Variants in PKNOX2 observed in about 807,000 individuals in gnomAD.
PKNOX2 encodes homeobox protein PKNOX2.
In PKNOX2, 14 loss-of-function variants were observed where a neutral mutation model predicts 53.1. The ratio of observed to expected loss-of-function variants is 0.26; its 90% confidence interval spans 0.17 to 0.41. The LOEUF (loss-of-function observed/expected upper bound fraction) is 0.41. PKNOX2 is among the 10% of genes least tolerant of loss of function. The pLI, the probability that PKNOX2 is intolerant of heterozygous loss-of-function variation, is 1.00. For missense variants in PKNOX2, 496 were observed against 602.8 expected (o/e 0.82, Z 1.85); for synonymous variants, 257 against 242.8 (o/e 1.06, Z -0.54).
intron 10 of PKNOX2, among the ~76,000 whole-genome samples, chr11:125,416,108 C>T (rs907728310): frequency 6.6e-6 from 1 of 151,622 alleles, no homozygotes; most frequent in Non-Finnish European, 1.5e-5. Context: ...TCGAGACCAT[C>T]CCGGCTAAAA....
At chr11:125,305,890 A>G (rs1009678048) in intron 2 of PKNOX2, among the ~76,000 whole-genome samples, 2 of 152,204 alleles carry the variant, frequency 1.3e-5, no homozygotes, top group Non-Finnish European at 2.9e-5. Flanking sequence ...CTGAGATGAG[A>G]ACCAAAGATC....
chr11:125,168,159 A>C (rs374402224), intron 1 of PKNOX2, among the ~76,000 whole-genome samples: 95 of 152,350 alleles, frequency 6.2e-4, no homozygotes, highest in Middle Eastern at 6.8e-3. Flanking sequence ...CCTCGCGTTT[A>C]GTAAGATAAA....
At position 125,346,762 on chromosome 11, in the gene PKNOX2, G is replaced by GAGGAAGGAAGGAAGGGAGGAAGGA. The variant is rs1555159728; in HGVS notation, c.-22-4514_-22-4513insAGGAAGGGAGGAAGGAAGGAAGGA. 4.0e-5 allele frequency among the ~76,000 whole-genome samples: 6 copies of GAGGAAGGAAGGAAGGGAGGAAGGA among 151,316 alleles called. 1 individual carries two copies. Among genetic ancestry groups the GAGGAAGGAAGGAAGGGAGGAAGGA allele is most frequent in the Admixed American group, 1.3e-4 (2 of 15,260 alleles). Reference sequence around the variant, plus strand: ...CTGCTATGGAAGGAAGGAAGGAAGGGAGGAAGGAGGGAGGGAAGAAGGGAC... The same window carrying GAGGAAGGAAGGAAGGGAGGAAGGA: ...CTGCTATGGAAGGAAGGAAGGAAGGGAGGAAGGAAGGAAGGGAGGAAGGAAGGAAGGAGGGAGGGAAGAAGGGAC... On this transcript the variant is annotated intron_variant, in intron 3 of 12. Transcript: ENST00000298282.
At chr11:125,276,243 G>A (rs1946147855) in intron 2 of PKNOX2, among the ~76,000 whole-genome samples, 1 of 152,182 alleles carries the variant, frequency 6.6e-6, no homozygotes, top group Admixed American at 6.5e-5. Context: ...GGCAGGTTGA[G>A]GAGAGAATGG....
chr11:125,269,721 G>C (rs180719519), intron 2 of PKNOX2, among the ~76,000 whole-genome samples: 80 of 152,284 alleles, frequency 5.3e-4, no homozygotes, highest in African/African-American at 1.8e-3. Context: ...ATGGGGCAAG[G>C]GTGGTCCAGG....
intron 5 of PKNOX2, among the ~76,000 whole-genome samples, chr11:125,378,513 C>A (rs1952979516): frequency 6.6e-6 from 1 of 152,352 alleles, no homozygotes; most frequent in African/African-American, 2.4e-5. Context: ...GGGGTGGGCA[C>A]TGACCCTGGG....
At chr11:125,232,594 A>G (rs1477800410) in intron 1 of PKNOX2, among the ~76,000 whole-genome samples, 1 of 152,206 alleles carries the variant, frequency 6.6e-6, no homozygotes, top group Non-Finnish European at 1.5e-5. Flanking sequence ...ACCACTAGAC[A>G]TCTTCTCTCT....
At chr11:125,229,818 G>A (rs1005204113) in intron 1 of PKNOX2, among the ~76,000 whole-genome samples, 2 of 152,292 alleles carry the variant, frequency 1.3e-5, no homozygotes, top group African/African-American at 4.8e-5. Flanking sequence ...CATGCTCGAG[G>A]GTTTACCTCT....
chr11:125,177,288 G>T (rs950112317), intron 1 of PKNOX2, among the ~76,000 whole-genome samples: 2 of 150,226 alleles, frequency 1.3e-5, no homozygotes, highest in African/African-American at 4.9e-5. Flanking sequence ...TTGGAGGGGG[G>T]CAGCGAGGAG....
intron 2 of PKNOX2, among the ~76,000 whole-genome samples, chr11:125,235,433 G>A (rs186350178): frequency 8.5e-5 from 13 of 152,358 alleles, no homozygotes; most frequent in Admixed American, 2.0e-4. Context: ...AGCCACTATC[G>A]CCTGTGGGCT....
intron 2 of PKNOX2, among the ~76,000 whole-genome samples, chr11:125,242,124 T>C (rs1238536159): frequency 6.6e-6 from 1 of 152,162 alleles, no homozygotes; most frequent in Non-Finnish European, 1.5e-5. Context: ...TCATCTGTGG[T>C]TCCCCGTCTA....
At chr11:125,420,983 A>T (rs529845193) in intron 10 of PKNOX2, among the ~76,000 whole-genome samples, 1 of 152,206 alleles carries the variant, frequency 6.6e-6, no homozygotes, top group Non-Finnish European at 1.5e-5. Flanking sequence ...CAGATCTTTA[A>T]CCAAAGTGGC....
At chr11:125,274,894 G>T (rs1946053591) in intron 2 of PKNOX2, among the ~76,000 whole-genome samples, 1 of 152,204 alleles carries the variant, frequency 6.6e-6, no homozygotes, top group Non-Finnish European at 1.5e-5. Flanking sequence ...TTATGAGCCT[G>T]GTGTGGCAGC....
At chr11:125,199,305 G>A (rs1027548851) in intron 1 of PKNOX2, among the ~76,000 whole-genome samples, 3 of 152,116 alleles carry the variant, frequency 2.0e-5, no homozygotes, top group African/African-American at 7.2e-5. Context: ...CTTCAGTGAG[G>A]GGGAGAACGG....
intron 3 of PKNOX2, chr11:125,332,469 T>G (rs1423938160): frequency 3.3e-5 from 5 of 152,214 alleles, no homozygotes; most frequent in Non-Finnish European, 7.3e-5. Context: ...TATAAAGCAT[T>G]TTGAATAGAG....
intron 5 of PKNOX2, among the ~76,000 whole-genome samples, chr11:125,376,694 C>G (rs748961564): frequency 3.9e-5 from 6 of 152,190 alleles, no homozygotes; most frequent in Admixed American, 2.0e-4. Context: ...CACTGATTCC[C>G]ATTCACTGAT....
In PKNOX2 at chr11:125,176,826, G is replaced by A. The variant is rs189917959; in HGVS notation, c.-201+12050G>A. Among the ~76,000 whole-genome samples the A allele has an allele frequency of 1.7e-3, 259 of 152,286 alleles. 1 individual carries two copies. The highest frequency in any genetic ancestry group is 2.6e-3 in the Non-Finnish European group (178 of 68,016). ...GCTGCCAGGGATTGTGCTCTCATCC[G>A]AGCTTCCCAGTCAGCTGCATCACAG... On this transcript the variant is annotated intron_variant, in intron 1 of 12. Coordinates refer to ENST00000298282, the MANE Select transcript of PKNOX2 (RefSeq NM_001382323.2).
intron 2 of PKNOX2, chr11:125,330,514 C>T (rs2136105537): frequency 6.6e-6 from 1 of 152,360 alleles, no homozygotes; most frequent in South Asian, 2.1e-4. Flanking sequence ...TGTTTTAATC[C>T]AGAGAGCTTT....
At position 125,178,681 on chromosome 11, in the gene PKNOX2, AGAGAGAGAG is replaced by A. The variant is rs1955938043; in HGVS notation, c.-201+13906_-201+13914del. ...AGGAAGGAAGGAAGGAAAGAAAGAG[AGAGAGAGAG>A]AGAGAGAGAAAGAAAGAAAGAAAGA... On this transcript the variant is annotated intron_variant, in intron 1 of 12. Transcript: ENST00000298282. 2.7e-4 allele frequency among the ~76,000 whole-genome samples: 16 copies of A among 60,010 alleles called. 1 individual carries two copies. Among genetic ancestry groups the A allele is most frequent in the East Asian group, 1.1e-3 (2 of 1,840 alleles). 39.4% of individuals were successfully genotyped at this position (60,010 alleles called of 152,430 possible).
Sources: gnomAD v4.1 joint callset for allele counts (sites outside exome capture counted in the v4.1 genomes callset) on GRCh38, gnomAD v4.1.1 for gene constraint, MANE v1.5 for transcripts, NCBI Gene and HGNC (gene_info 2026-07-23, HGNC 2026-07-21) for gene names.